The following MGLL variants were observed in gnomAD, a reference collection of about 807,000 sequenced individuals.
MGLL encodes monoglyceride lipase.
MGLL carries 7 observed loss-of-function variants against 29.1 expected under a neutral mutation model. The ratio of observed to expected loss-of-function variants is 0.24; its 90% CI spans 0.14 to 0.45. The LOEUF is 0.45. Ranked by LOEUF, MGLL falls within the 20% of genes least tolerant of loss-of-function variation. The pLI is 0.99. For missense variants in MGLL, 356 were observed against 413.6 expected (o/e 0.86, Z 1.21); for synonymous variants, 148 against 168.3 (o/e 0.88, Z 0.93).
Position 127,757,172 on chromosome 3 carries a change from G to A in MGLL, c.262+24617C>T, listed in dbSNP as rs180953884. Among the ~76,000 whole-genome samples, 480 of 152,332 alleles carry A rather than the reference G, an allele frequency of 3.2e-3. 4 individuals are homozygous for A. The highest frequency in any genetic ancestry group is 0.011 in the African/African-American group (454 of 41,570). ...CTCTCCTAGCCCACTGTCCCTGGAA[G>A]CTGACAGACATGTGGAGAGAGCCGA... On this transcript the variant is annotated intron_variant, in intron 3 of 7. Coordinates refer to ENST00000265052, the MANE Select transcript of MGLL (RefSeq NM_007283.7).
chr3:127,779,580 T>C (rs2077089653), intron 3 of MGLL, among the ~76,000 whole-genome samples: 1 of 151,850 alleles, frequency 6.6e-6, no homozygotes, highest in Non-Finnish European at 1.5e-5. Flanking sequence ...CAGCAATGCA[T>C]CAGGAGCCAC....
chr3:127,702,567 G>A (rs1320441556), intron 6 of MGLL, among the ~76,000 whole-genome samples: 3 of 152,236 alleles, frequency 2.0e-5, no homozygotes, highest in Non-Finnish European at 4.4e-5. Flanking sequence ...GACAGAAAGA[G>A]GATAATCAAG....
chr3:127,796,550 C>T (rs370063722), intron 2 of MGLL, among the ~76,000 whole-genome samples: 5 of 152,194 alleles, frequency 3.3e-5, no homozygotes, highest in Admixed American at 1.3e-4. Flanking sequence ...CTCCCTGCTG[C>T]GTGATTAGTG....
Position 127,692,187 on chromosome 3 carries a change from G to T in MGLL, c.*11C>A. On this transcript the variant is annotated 3_prime_UTR_variant, in exon 8 of 8. Transcript: ENST00000265052. ...TCCCCCAGACCATGAGCCGGGCACC[G>T]GCCAATGCATTCAGGGTGGGGACGC... The T allele has an allele frequency of 6.3e-7, 1 of 1,581,998 alleles. No individual in the cohort carries two copies. The highest frequency in any genetic ancestry group is 8.6e-7 in the Non-Finnish European group (1 of 1,164,724).
chr3:127,755,607 G>A lies in MGLL; in HGVS notation c.262+26182C>T, dbSNP rs191286335. Among the ~76,000 whole-genome samples, 202 of 152,300 alleles carry A rather than the reference G, an allele frequency of 1.3e-3. 1 individual carries two copies. The highest frequency in any genetic ancestry group is 4.5e-3 in the African/African-American group (188 of 41,546). On this transcript the variant is annotated intron_variant, in intron 3 of 7. Coordinates refer to ENST00000265052, the MANE Select transcript of MGLL (RefSeq NM_007283.7). ...CACTGGCACATGTGCCTGTTGCTCC[G>A]AACGAGGACAAGGGGCCCCACTGCG...
At chr3:127,748,386 G>A (rs2076488900) in intron 3 of MGLL, among the ~76,000 whole-genome samples, 2 of 151,458 alleles carry the variant, frequency 1.3e-5, no homozygotes, top group African/African-American at 2.4e-5. Flanking sequence ...AGGGAGGAGG[G>A]AGGGAGGGAG....
intron 3 of MGLL, among the ~76,000 whole-genome samples, chr3:127,765,742 C>T (rs747477160): frequency 1.3e-5 from 2 of 152,204 alleles, no homozygotes; most frequent in Admixed American, 6.5e-5. Flanking sequence ...AGAGTGTTCC[C>T]GCAGGAACGG....
At chr3:127,799,795 A>T (rs2077445881) in intron 2 of MGLL, among the ~76,000 whole-genome samples, 1 of 152,216 alleles carries the variant, frequency 6.6e-6, no homozygotes, top group Admixed American at 6.5e-5. Context: ...ATGTCTGCAT[A>T]TGATCATGAA....
intron 3 of MGLL, among the ~76,000 whole-genome samples, chr3:127,766,674 C>T (rs2076861336): frequency 1.3e-5 from 2 of 152,168 alleles, no homozygotes; most frequent in African/African-American, 4.8e-5. Flanking sequence ...GTCAGTTGTG[C>T]CATAATCAAT....
intron 2 of MGLL, among the ~76,000 whole-genome samples, chr3:127,798,221 C>G (rs930391914): frequency 1.2e-4 from 19 of 152,202 alleles, no homozygotes; most frequent in Non-Finnish European, 2.6e-4. Flanking sequence ...GTGATAATCA[C>G]TCTTTTGCTT....
chr3:127,772,681 T>C (rs2076969718), intron 3 of MGLL, among the ~76,000 whole-genome samples: 1 of 152,322 alleles, frequency 6.6e-6, no homozygotes, highest in Admixed American at 6.5e-5. Context: ...CCAAAACTGC[T>C]GCTCTCTGCT....
In MGLL at chr3:127,696,705, C is replaced by T. The variant is rs556649797; in HGVS notation, c.601-1515G>A. ...CTGGGATTATAGGCATGAGCTACCG[C>T]GCCCGGCCCCATGATGCTTCTTCAT... On this transcript the variant is annotated intron_variant, in intron 6 of 7. Transcript: ENST00000265052. Among the ~76,000 whole-genome samples the T allele has an allele frequency of 3.3e-5, 5 of 152,108 alleles. No homozygotes were observed. In the East Asian group the frequency reaches 5.8e-4, roughly 18 times the overall value.
intron 6 of MGLL, among the ~76,000 whole-genome samples, chr3:127,702,915 G>A (rs1386944137): frequency 2.6e-5 from 4 of 152,108 alleles, no homozygotes; most frequent in African/African-American, 7.2e-5. Context: ...GGCTGGTCTC[G>A]AACTCCTGAC....
intron 3 of MGLL, chr3:127,735,760 C>T: frequency 1.3e-6 from 2 of 1,598,386 alleles, no homozygotes; most frequent in South Asian, 2.2e-5. Context: ...CCCATTCCCT[C>T]CCTTTGTATG....
chr3:127,759,791 G>T (rs1253806528), intron 3 of MGLL, among the ~76,000 whole-genome samples: 1 of 152,236 alleles, frequency 6.6e-6, no homozygotes, highest in African/African-American at 2.4e-5. Context: ...CTTGGAATCG[G>T]TCCCTTTGGC....
Position 127,691,792 on chromosome 3 carries a change from C to T in MGLL, c.*406G>A, listed in dbSNP as rs61230497. 257 of 267,706 alleles carry T rather than the reference C, an allele frequency of 9.6e-4. 1 individual carries two copies. The highest frequency in any genetic ancestry group is 5.5e-3 in the African/African-American group (238 of 43,472). The allele number at this position is 267,706 out of a possible 1,614,324, so 16.6% of individuals were successfully genotyped here. A position where few individuals can be genotyped will look rare whatever the true frequency, so the allele number is the denominator to read the frequency against. On this transcript the variant is annotated 3_prime_UTR_variant, in exon 8 of 8. Coordinates refer to ENST00000265052, the MANE Select transcript of MGLL (RefSeq NM_007283.7). ...CCAAGCGGAGGCTGGTCAGAGAGGG[C>T]GCTGGGGCGTGAGCGAAGGGTGGGC...
Position 127,794,551 on chromosome 3 carries a change from T to C in MGLL, c.156-12656A>G, listed in dbSNP as rs920066873. 6.0e-4 allele frequency among the ~76,000 whole-genome samples: 92 copies of C among 152,298 alleles called. 1 individual carries two copies. Among genetic ancestry groups the C allele is most frequent in the Admixed American group, 2.2e-3 (33 of 15,282 alleles). On this transcript the variant is annotated intron_variant, in intron 2 of 7. Coordinates refer to ENST00000265052, the MANE Select transcript of MGLL (RefSeq NM_007283.7). ...AAGACTGTCTTCTGTGATGTAAGGC[T>C]GTCTTCTGTGATGTAAGGCTGTCTT...
chr3:127,727,508 T>C (rs973357856), intron 3 of MGLL, among the ~76,000 whole-genome samples: 1 of 152,010 alleles, frequency 6.6e-6, no homozygotes, highest in Non-Finnish European at 1.5e-5. Flanking sequence ...GCCCAGGAGT[T>C]TGAGACCAGC....
intron 6 of MGLL, among the ~76,000 whole-genome samples, chr3:127,705,723 C>A (rs1576480054): frequency 6.6e-6 from 1 of 150,990 alleles, no homozygotes; most frequent in Non-Finnish European, 1.5e-5. Flanking sequence ...TTGTGGTAAG[C>A]CAAGATCGCG....
Sources: gnomAD v4.1 joint callset for allele counts (sites outside exome capture counted in the v4.1 genomes callset) on GRCh38, gnomAD v4.1.1 for gene constraint, MANE v1.5 for transcripts, NCBI Gene and HGNC (gene_info 2026-07-23, HGNC 2026-07-21) for gene names.